The following RALGPS1 variants were observed in gnomAD, a reference collection of about 807,000 sequenced individuals.
The protein encoded by RALGPS1 is ras-specific guanine nucleotide-releasing factor RalGPS1.
In RALGPS1, 19 loss-of-function variants were observed where a neutral mutation model predicts 78.8. The observed-to-expected ratio is 0.24, with a 90% CI of 0.17 to 0.35. RALGPS1 has a LOEUF of 0.35. Ranked by LOEUF, RALGPS1 falls within the 10% of genes least tolerant of loss-of-function variation. The pLI is 1.00. For synonymous variants in RALGPS1, 228 were observed against 256.3 expected, an observed-to-expected ratio of 0.89 and a Z score of 1.06; for missense variants, 454 against 688.3, an observed-to-expected ratio of 0.66 and a Z score of 3.81.
At chr9:127,180,659 A>G (rs970926684) in intron 11 of RALGPS1, among the ~76,000 whole-genome samples, 10 of 152,322 alleles carry the variant, frequency 6.6e-5, no homozygotes, top group African/African-American at 2.2e-4. Flanking sequence ...CCGTCCAGAC[A>G]TCGGGGAGTT....
chr9:126,992,703 T>C (rs965178893), intron 4 of RALGPS1, among the ~76,000 whole-genome samples: 4 of 152,244 alleles, frequency 2.6e-5, no homozygotes, highest in African/African-American at 9.6e-5. Flanking sequence ...ACCTCATGTA[T>C]GTAGGTCTTC....
intron 12 of RALGPS1, 53 bp downstream of exon 12, chr9:127,195,270 G>T: frequency 3.8e-6 from 6 of 1,592,046 alleles, no homozygotes; most frequent in Non-Finnish European, 4.3e-6. Context: ...CTGCACATGG[G>T]CCTGGGCACA....
Position 126,932,389 on chromosome 9 carries a change from G to A in RALGPS1, c.-66+17414G>A, listed in dbSNP as rs919443590. Among the ~76,000 whole-genome samples, 100 of 152,150 alleles carry A rather than the reference G, an allele frequency of 6.6e-4. 1 individual carries two copies. The highest frequency in any genetic ancestry group is 3.9e-4 in the East Asian group (2 of 5,188). On this transcript the variant is annotated intron_variant, in intron 1 of 18. Transcript: ENST00000259351. The stretch of plus-strand genomic sequence containing the variant: ...CCCAGCAGTTCCACTCCTTGGTATC[G>A]ACCCAACTTTGAGACAGACACAAAG...
intron 14 of RALGPS1, among the ~76,000 whole-genome samples, chr9:127,209,806 G>A (rs2062140301): frequency 6.6e-6 from 1 of 152,164 alleles, no homozygotes; most frequent in African/African-American, 2.4e-5. Flanking sequence ...CTACCCACAG[G>A]TACTGATGTC....
At chr9:127,056,754 C>T (rs1022544847) in intron 7 of RALGPS1, among the ~76,000 whole-genome samples, 3 of 152,194 alleles carry the variant, frequency 2.0e-5, no homozygotes, top group African/African-American at 7.2e-5. Flanking sequence ...TGATTTTTCT[C>T]TGTATCCTTG....
intron 5 of RALGPS1, among the ~76,000 whole-genome samples, chr9:127,035,884 C>T (rs754976147): frequency 1.4e-4 from 22 of 151,938 alleles, no homozygotes; most frequent in Non-Finnish European, 2.9e-4. Flanking sequence ...CGTCTCTTTT[C>T]AACTGAGCTT....
chr9:127,095,242 C>A (rs2052982103), intron 8 of RALGPS1, among the ~76,000 whole-genome samples: 1 of 152,106 alleles, frequency 6.6e-6, no homozygotes, highest in Non-Finnish European at 1.5e-5. Flanking sequence ...ACTAAAAATA[C>A]AAAAAATTAG....
At chr9:127,098,089 C>T (rs2053335437) in intron 8 of RALGPS1, among the ~76,000 whole-genome samples, 1 of 152,178 alleles carries the variant, frequency 6.6e-6, no homozygotes, top group Non-Finnish European at 1.5e-5. Flanking sequence ...CCTCCACACA[C>T]GTTACTATAT....
At chr9:127,150,309 G>A (rs1432882845) in intron 8 of RALGPS1, among the ~76,000 whole-genome samples, 3 of 152,164 alleles carry the variant, frequency 2.0e-5, no homozygotes, top group Non-Finnish European at 4.4e-5. Flanking sequence ...TTGTGGGCTC[G>A]GGGTCACCAG....
rs752284272 is a variant in RALGPS1 at position 127,091,789 on chromosome 9, G to C, written c.610+22433G>C. ...CCGCAGCTTATAATACTCGCTCTCA[G>C]GTTCCAGGCGGAAACTGGCGTATTC... On this transcript the variant is annotated intron_variant, in intron 8 of 18. Transcript: ENST00000259351. This position sits in a 1 kb window ranked among gnomAD's most constrained non-coding sequence, Gnocchi z 4.3. 6.2e-7 allele frequency: 1 copy of C among 1,614,154 alleles called. No homozygotes were observed. The highest frequency in any genetic ancestry group is 1.1e-5 in the South Asian group (1 of 91,076).
rs2062723170 is a variant in RALGPS1, at chr9:127,219,687, A to T, written c.*918A>T. ...CCAGAATGGGAAGTTGTGACGTTGC[A>T]GCTCCAACCGACGTGCTCATAGTGA... On this transcript the variant is annotated 3_prime_UTR_variant, in exon 19 of 19. Transcript: ENST00000259351. This position sits in a 1 kb window ranked among gnomAD's most constrained non-coding sequence, Gnocchi z 5.0. 6.6e-6 allele frequency: 1 copy of T among 152,536 alleles called. No homozygotes were observed. The highest frequency in any genetic ancestry group is 2.4e-5 in the African/African-American group (1 of 41,402). The allele number at this position is 152,536 out of a possible 1,614,324, so 9.4% of individuals were successfully genotyped here. A position where few individuals can be genotyped will look rare whatever the true frequency, so the allele number is the denominator to read the frequency against.
intron 11 of RALGPS1, among the ~76,000 whole-genome samples, chr9:127,186,193 C>T (rs1465287786): frequency 2.0e-5 from 3 of 152,148 alleles, no homozygotes; most frequent in Admixed American, 6.5e-5. Context: ...CATGATATCT[C>T]GTTCCCCACA....
At chr9:127,044,716 C>T (rs2047603645) in intron 5 of RALGPS1, among the ~76,000 whole-genome samples, 1 of 152,176 alleles carries the variant, frequency 6.6e-6, no homozygotes, top group South Asian at 2.1e-4. Flanking sequence ...GGTAGTTTCT[C>T]AGCCTTTGCC....
intron 8 of RALGPS1, among the ~76,000 whole-genome samples, chr9:127,139,138 C>G (rs1225962649): frequency 6.6e-6 from 1 of 152,130 alleles, no homozygotes; most frequent in Non-Finnish European, 1.5e-5. Context: ...GTTGTCTGGG[C>G]TCGCCCTGCC....
At chr9:127,034,380 A>G in intron 4 of RALGPS1, 51 bp from the exon 5 acceptor site, 1 of 1,526,358 alleles carries the variant, frequency 6.6e-7, no homozygotes. Context: ...CCCCTGGTGT[A>G]TTTTGCATCC....
In RALGPS1 at chr9:127,196,907, T is replaced by TG. The variant is rs986490860; in HGVS notation, c.1195+277dup. Among the ~76,000 whole-genome samples the TG allele has an allele frequency of 3.9e-5, 6 of 152,152 alleles. 1 individual carries two copies. The highest frequency in any genetic ancestry group is 8.8e-5 in the Non-Finnish European group (6 of 68,030). ...CAGGTAGAAAAAGCAGCCAAACACA[T>TG]GCCTGAGACCAGCTGCCATTGGCTG... On this transcript the variant is annotated intron_variant, in intron 13 of 18. Coordinates refer to ENST00000259351, the MANE Select transcript of RALGPS1 (RefSeq NM_014636.3).
intron 8 of RALGPS1, among the ~76,000 whole-genome samples, chr9:127,080,253 T>C (rs1387283123): frequency 6.6e-6 from 1 of 152,250 alleles, no homozygotes; most frequent in Non-Finnish European, 1.5e-5. Flanking sequence ...AACAAAGATA[T>C]ATCCTTTTTT....
At chr9:126,985,786 G>A (rs1317742335) in intron 4 of RALGPS1, among the ~76,000 whole-genome samples, 3 of 152,158 alleles carry the variant, frequency 2.0e-5, no homozygotes, top group Non-Finnish European at 4.4e-5. Context: ...GGAGGGTTAT[G>A]CTAATTTGGT....
intron 10 of RALGPS1, among the ~76,000 whole-genome samples, chr9:127,171,111 CT>C (rs1485034697): frequency 6.6e-6 from 1 of 152,258 alleles, no homozygotes; most frequent in Non-Finnish European, 1.5e-5. Flanking sequence ...CCAACCAGTG[CT>C]TTATTCCCCA....
Sources: allele counts gnomAD v4.1 joint callset (sites outside exome capture counted in the v4.1 genomes callset), GRCh38; gene constraint gnomAD v4.1.1; non-coding constraint Gnocchi (gnomAD v3.1); transcripts MANE v1.5; gene names NCBI Gene and HGNC (gene_info 2026-07-23, HGNC 2026-07-21).